Variants in SPTBN4 observed in about 807,000 individuals in gnomAD.
SPTBN4 encodes the protein spectrin beta, non-erythrocytic 4.
A neutral mutation model predicts 277.8 loss-of-function variants in SPTBN4; 96 were observed. The ratio of observed to expected loss-of-function variants is 0.35; its 90% CI spans 0.29 to 0.41. SPTBN4 has a LOEUF of 0.41. SPTBN4 is among the 10% of genes least tolerant of loss of function. The pLI is 1.00. For missense variants in SPTBN4, 3,006 were observed against 3,595.7 expected, an observed-to-expected ratio of 0.84 and a Z score of 4.19; for synonymous variants, 1,481 against 1,580.3, an observed-to-expected ratio of 0.94 and a Z score of 1.49.
chr19:40,525,908 A>T (rs2080585423), intron 17 of SPTBN4, among the ~76,000 whole-genome samples: 1 of 152,136 alleles, frequency 6.6e-6, no homozygotes, highest in Non-Finnish European at 1.5e-5. Context: ...GAGACGGACT[A>T]ATCTCTGCAC....
rs986889432 is a variant in SPTBN4, at chr19:40,567,983, G to T, written c.6657G>T (p.Ala2219=). ...CAGAGGACGCGGCGGAGACCCCCGC[G>T]ACCCCCGCGGCGGCGGAGCAGGTGC... ...AAPEDAAETP[A]TPAAAEQVRP... is the part of the protein sequence containing the mutation. The change falls in exon 31 of 36, where the codon GCG becomes GCT. Residue 2219 remains alanine, a synonymous_variant. Coordinates refer to ENST00000598249, the MANE Select transcript of SPTBN4 (RefSeq NM_020971.3). The T allele has an allele frequency of 5.3e-6, 8 of 1,499,610 alleles. 1 individual carries two copies. In the South Asian group the frequency reaches 9.1e-5, roughly 17 times the overall value. 92.9% of individuals were successfully genotyped at this position (1,499,610 alleles called of 1,614,324 possible). A position where few individuals can be genotyped will look rare whatever the true frequency, so the allele number is the denominator to read the frequency against.
At chr19:40,495,772 G>A (rs976784148) in intron 6 of SPTBN4, among the ~76,000 whole-genome samples, 2 of 152,090 alleles carry the variant, frequency 1.3e-5, no homozygotes, top group African/African-American at 4.8e-5. Flanking sequence ...TGAAATAGCT[G>A]AGGGTCAGAC....
intron 20 of SPTBN4, among the ~76,000 whole-genome samples, chr19:40,535,973 A>G (rs892321378): frequency 1.3e-5 from 2 of 152,154 alleles, no homozygotes; most frequent in African/African-American, 4.8e-5. Context: ...AAATAAAAAA[A>G]TAAAAAAAAT....
intron 18 of SPTBN4, among the ~76,000 whole-genome samples, chr19:40,530,308 G>C (rs111305861): frequency 1.4e-4 from 21 of 152,220 alleles, no homozygotes; most frequent in African/African-American, 4.8e-4. Flanking sequence ...TTCTGGATCA[G>C]GCAGCAATCA....
rs1027115442 is a variant in SPTBN4, at chr19:40,524,702, C to T, written c.3857+1063C>T. 13 of 443,442 alleles carry T rather than the reference C, an allele frequency of 2.9e-5. No individual in the cohort carries two copies. In the Admixed American group the frequency reaches 3.2e-4, roughly 11 times the overall value. The allele number at this position is 443,442 out of a possible 1,614,324, so 27.5% of individuals were successfully genotyped here. A position where few individuals can be genotyped will look rare whatever the true frequency, so the allele number is the denominator to read the frequency against. Reference sequence around the variant, plus strand: ...TGTCAAATATTTTGCATAAGCACCTCTTCCTGGCCCCAGCCACTCTAGGAA... The same window carrying T: ...TGTCAAATATTTTGCATAAGCACCTTTTCCTGGCCCCAGCCACTCTAGGAA... On this transcript the variant is annotated intron_variant, in intron 17 of 35. Transcript: ENST00000598249.
At chr19:40,569,999 CACAG>C (rs1369393080) in intron 32 of SPTBN4, among the ~76,000 whole-genome samples, 4 of 150,966 alleles carry the variant, frequency 2.6e-5, no homozygotes, top group Middle Eastern at 3.4e-3. Context: ...GACACACACA[CACAG>C]ACACACAGAC....
intron 5 of SPTBN4, among the ~76,000 whole-genome samples, chr19:40,494,117 G>A (rs2080168455): frequency 6.6e-6 from 1 of 152,162 alleles, no homozygotes; most frequent in Non-Finnish European, 1.5e-5. Flanking sequence ...AAACTCAATT[G>A]TCCTCTGTAG....
At chr19:40,522,804 G>A (rs376754419) in intron 16 of SPTBN4, among the ~76,000 whole-genome samples, 7 of 152,156 alleles carry the variant, frequency 4.6e-5, no homozygotes, top group African/African-American at 1.7e-4. Context: ...TCAATGCATC[G>A]CTAATATTGC....
intron 11 of SPTBN4, 140 bp from the exon 12 acceptor site, chr19:40,503,690 A>G: frequency 1.1e-6 from 1 of 910,596 alleles, no homozygotes; most frequent in Non-Finnish European, 1.6e-6. Flanking sequence ...GGGGAGGATG[A>G]GGCTGGTCTC....
Position 40,570,575 on chromosome 19 carries a change from G to A in SPTBN4, c.7166G>A (p.Gly2389Asp), listed in dbSNP as rs1336718602. ...CGACGGCGGCCGCGGCCCAGAGAGGGTGGTGAGGGCGGGGGAAGCCGGCGC... is the reference window on the plus strand; with the variant it reads ...CGACGGCGGCCGCGGCCCAGAGAGGATGGTGAGGGCGGGGGAAGCCGGCGC... ...KPRRRPRPRE[G>D]GEGGGSRRSR... The change falls in exon 33 of 36, where the codon GGT becomes GAT. Residue 2389 changes from glycine (G) to aspartate (D), a missense_variant. Physicochemically the swap from Gly to Asp is moderately conservative, Grantham distance 94. Coordinates refer to ENST00000598249, the MANE Select transcript of SPTBN4 (RefSeq NM_020971.3). 5.8e-6 allele frequency: 8 copies of A among 1,377,236 alleles called. No homozygotes were observed. Among genetic ancestry groups the A allele is most frequent in the African/African-American group, 1.5e-5 (1 of 65,330 alleles). The allele number at this position is 1,377,236 out of a possible 1,614,324, so 85.3% of individuals were successfully genotyped here.
chr19:40,575,654 G>A lies in SPTBN4; in HGVS notation c.*85G>A, dbSNP rs557052011. 4.8e-6 allele frequency: 7 copies of A among 1,453,004 alleles called. No homozygotes were observed. Among genetic ancestry groups the A allele is most frequent in the Non-Finnish European group, 5.5e-6 (6 of 1,093,638 alleles). 90.0% of individuals were successfully genotyped at this position (1,453,004 alleles called of 1,614,324 possible). Reference sequence around the variant, plus strand: ...AAGACACTTTTTCTTCCGCAGGGGCGGGAGCCCCTAGTTCCAACACTGAGG... The same window carrying A: ...AAGACACTTTTTCTTCCGCAGGGGCAGGAGCCCCTAGTTCCAACACTGAGG... On this transcript the variant is annotated 3_prime_UTR_variant, in exon 36 of 36. Coordinates refer to ENST00000598249, the MANE Select transcript of SPTBN4 (RefSeq NM_020971.3).
intron 12 of SPTBN4, among the ~76,000 whole-genome samples, chr19:40,505,881 T>G (rs1281849598): frequency 6.6e-6 from 1 of 151,594 alleles, no homozygotes; most frequent in African/African-American, 2.4e-5. Flanking sequence ...AAGAAAGACA[T>G]GGAGGCAGAG....
chr19:40,487,940 G>C, intron 3 of SPTBN4, 92 bp downstream of exon 3: 3 of 1,403,372 alleles, frequency 2.1e-6, no homozygotes, highest in Non-Finnish European at 2.8e-6. Context: ...TGCAAGCAGG[G>C]GCCTGGCTCA....
chr19:40,493,000 A>G lies in SPTBN4; in HGVS notation c.533A>G (p.Glu178Gly). Residue 178 changes from glutamate (E) to glycine (G), a missense_variant, in exon 5 of 36, where the codon GAG becomes GGG. Physicochemically the swap from Glu to Gly is moderately conservative, Grantham distance 98 (BLOSUM62 -2). Transcript: ENST00000598249. Reference sequence around the variant, plus strand: ...AAAATTGAGACTGAGGACAACAGAGAGACACGCTCAGCCAAGGATGCTCTG... The same window carrying G: ...AAAATTGAGACTGAGGACAACAGAGGGACACGCTCAGCCAAGGATGCTCTG... ...VIKIETEDNR[E>G]TRSAKDALLL... The G allele has an allele frequency of 6.2e-7, 1 of 1,614,084 alleles. No homozygotes were observed. The highest frequency in any genetic ancestry group is 8.5e-7 in the Non-Finnish European group (1 of 1,179,990).
At chr19:40,500,681 T>TA (rs1309748415) in intron 7 of SPTBN4, among the ~76,000 whole-genome samples, 2 of 151,890 alleles carry the variant, frequency 1.3e-5, no homozygotes, top group Non-Finnish European at 2.9e-5. Context: ...AAAGTCTATT[T>TA]AAAAAATTAC....
In SPTBN4 at chr19:40,519,533, C is replaced by T. The variant is rs1418327742; in HGVS notation, c.3036C>T (p.Ser1012=). 6.3e-6 allele frequency: 10 copies of T among 1,589,188 alleles called. No individual in the cohort carries two copies. The highest frequency in any genetic ancestry group is 1.8e-4 in the Middle Eastern group (1 of 5,594). The change falls in exon 16 of 36, where the codon AGC becomes AGT. Residue 1012 remains serine, a synonymous_variant. Coordinates refer to ENST00000598249, the MANE Select transcript of SPTBN4 (RefSeq NM_020971.3). This position sits in a 1 kb window ranked among gnomAD's most constrained non-coding sequence, Gnocchi z 5.7. The part of the protein sequence containing the change: ...QVREKRRAVE[S]APRAGGALQW... Reference sequence around the variant, plus strand: ...GTGAGAAGCGGAGAGCTGTGGAGAGCGCGCCCCGGGCCGGCGGCGCCCTGC... The same window carrying T: ...GTGAGAAGCGGAGAGCTGTGGAGAGTGCGCCCCGGGCCGGCGGCGCCCTGC...
In SPTBN4 at chr19:40,555,917, C is replaced by CA. The variant is rs5828071; in HGVS notation, c.5085-158dup. Among the ~76,000 whole-genome samples the CA allele has an allele frequency of 0.44, 65,185 of 148,072 alleles. 14,978 individuals are homozygous for CA. Among genetic ancestry groups the CA allele is most frequent in the African/African-American group, 0.48 (19,477 of 40,178 alleles). On this transcript the variant is annotated intron_variant, in intron 24 of 35. Transcript: ENST00000598249. ...GAGCAACAGAGCAAGACCCTGTCTC[C>CA]AAAAAAAAAGAAAAAAGAAAAGAAA...
rs560840387 is a variant in SPTBN4 at position 40,534,351 on chromosome 19, C to T, written c.4359+8C>T. ...CAGCTCAAGAAGCTGCAGGTATGGT[C>T]TTCCTGGCCCAGATGAGGGCTCCCT... On this transcript the variant is annotated splice_region_variant and intron_variant, in intron 20 of 35. Coordinates refer to ENST00000598249, the MANE Select transcript of SPTBN4 (RefSeq NM_020971.3). 9.3e-6 allele frequency: 15 copies of T among 1,611,122 alleles called. No individual in the cohort carries two copies. The highest frequency in any genetic ancestry group is 8.5e-7 in the Non-Finnish European group (1 of 1,178,764).
At position 40,554,336 on chromosome 19, in the gene SPTBN4, C is replaced by T. The variant is rs762287341; in HGVS notation, c.4864C>T (p.Gln1622Ter). The T allele has an allele frequency of 6.4e-7, 1 of 1,567,062 alleles. No homozygotes were observed. Among genetic ancestry groups the T allele is most frequent in the Non-Finnish European group, 8.6e-7 (1 of 1,162,866 alleles). ...GCAGCAGGTGCTGGACGCCGCCTTC[C>T]AGGTGGAGCAGTACTACTTCGACGT... is the stretch of plus-strand genomic sequence containing the variant. ...RRQQVLDAAFQVEQYYFDVAE... is the reference protein window; with the variant it reads ...RRQQVLDAAF The change falls in exon 23 of 36, where the codon CAG becomes TAG. Residue 1622 changes from glutamine to a stop codon, truncating the protein, a stop_gained. Transcript: ENST00000598249. LOFTEE classifies it high-confidence loss of function. This position sits in a 1 kb window ranked among gnomAD's most constrained non-coding sequence, Gnocchi z 5.7.
Sources: allele counts gnomAD v4.1 joint callset (sites outside exome capture counted in the v4.1 genomes callset), GRCh38; gene constraint gnomAD v4.1.1; non-coding constraint Gnocchi (gnomAD v3.1); transcripts MANE v1.5; gene names NCBI Gene and HGNC (gene_info 2026-07-23, HGNC 2026-07-21).